Variants in GSDME observed in about 807,000 individuals in gnomAD.
GSDME encodes the protein gasdermin E.
Under a neutral mutation model 47.5 loss-of-function variants are expected in GSDME, and 44 were observed. The observed-to-expected ratio is 0.93, with a 90% CI of 0.73 to 1.19. The LOEUF (loss-of-function observed/expected upper bound fraction) is 1.19. Among genes scored for constraint, GSDME ranks in the 50% most tolerant of loss-of-function variants. GSDME has a pLI of 0.00. For synonymous variants in GSDME, 258 were observed against 252.8 expected (o/e 1.02, Z -0.20); for missense variants, 663 against 604.2 (o/e 1.10, Z -1.02).
At chr7:24,784,707 C>T in the GSDME span, among the ~76,000 whole-genome samples, 31 of 150,458 alleles carry the variant, frequency 2.1e-4, no homozygotes, top group East Asian at 2.3e-3. Flanking sequence ...CTACAGGTGC[C>T]TGCCACCACT....
rs2282904 is a variant in GSDME, at chr7:24,712,339, G to C, written c.698-1951C>G. On this transcript the variant is annotated intron_variant, in intron 5 of 9. Transcript: ENST00000645220. This position sits in a 1 kb window ranked among gnomAD's most constrained non-coding sequence, Gnocchi z 4.4. The stretch of plus-strand genomic sequence containing the variant: ...AGCCTCAAATTCTGCCAGAAGCCCT[G>C]CCAGGTCCCCAAAATAATGTGGAAC... Among the ~76,000 whole-genome samples the C allele has an allele frequency of 0.13, 19,644 of 152,130 alleles. 1,413 individuals are homozygous for C. The highest frequency in any genetic ancestry group is 0.2 in the Admixed American group (3,100 of 15,292).
At chr7:24,730,792 G>A (rs1020368493) in intron 3 of GSDME, among the ~76,000 whole-genome samples, 2 of 152,150 alleles carry the variant, frequency 1.3e-5, no homozygotes, top group African/African-American at 2.4e-5. Flanking sequence ...TCCAGCCTGG[G>A]CAACAGCAGA....
In GSDME at chr7:24,714,789, A is replaced by T. The variant is rs1789484209; in HGVS notation, c.697+2465T>A. 6.6e-6 allele frequency among the ~76,000 whole-genome samples: 1 copy of T among 152,206 alleles called. No individual in the cohort carries two copies. Among genetic ancestry groups the T allele is most frequent in the African/African-American group, 2.4e-5 (1 of 41,446 alleles). On this transcript the variant is annotated intron_variant, in intron 5 of 9. Transcript: ENST00000645220. The surrounding 1 kb of genome is among the most constrained non-coding windows in gnomAD (Gnocchi z 5.0). ...GGTCTGGTCACCTCCTGGGACAAAC[A>T]GGAGGAAGCTCGCATGGGGACCACC... is the stretch of plus-strand genomic sequence containing the variant.
At position 24,714,321 on chromosome 7, in the gene GSDME, G is replaced by A. The variant is rs1314691118; in HGVS notation, c.697+2933C>T. Among the ~76,000 whole-genome samples the A allele has an allele frequency of 6.6e-6, 1 of 152,148 alleles. No individual in the cohort carries two copies. Among genetic ancestry groups the A allele is most frequent in the Non-Finnish European group, 1.5e-5 (1 of 68,038 alleles). On this transcript the variant is annotated intron_variant, in intron 5 of 9. Coordinates refer to ENST00000645220, the MANE Select transcript of GSDME (RefSeq NM_001127453.2). The surrounding 1 kb of genome is among the most constrained non-coding windows in gnomAD (Gnocchi z 5.0). ...AAATGCAATCCCACCAGGAAGGTAG[G>A]GAGAGAGAGCAGGCATGTCTTCTCA... is the stretch of plus-strand genomic sequence containing the variant.
At chr7:24,782,163 C>G in the GSDME span, among the ~76,000 whole-genome samples, 1 of 151,902 alleles carries the variant, frequency 6.6e-6, no homozygotes, top group Non-Finnish European at 1.5e-5. Flanking sequence ...GTGTGCTGCA[C>G]CCATTAACTC....
chr7:24,777,132 G>C, the GSDME span, among the ~76,000 whole-genome samples: 1 of 151,964 alleles, frequency 6.6e-6, no homozygotes, highest in Admixed American at 6.6e-5. Flanking sequence ...ATATGAATTC[G>C]AAAGAAGCTT....
At chr7:24,789,877 G>A in the GSDME span, among the ~76,000 whole-genome samples, 1 of 152,198 alleles carries the variant, frequency 6.6e-6, no homozygotes, top group South Asian at 2.1e-4. Flanking sequence ...GGTGAACTAA[G>A]GTAGCGATGA....
In GSDME at chr7:24,744,523, G is replaced by T; in HGVS notation, c.404+39C>A. On this transcript the variant is annotated intron_variant, in intron 3 of 9. Coordinates refer to ENST00000645220, the MANE Select transcript of GSDME (RefSeq NM_001127453.2). The surrounding 1 kb of genome is among the most constrained non-coding windows in gnomAD (Gnocchi z 4.5). ...CCAACTGAATGACCTTTAAATGTGA[G>T]ATGTGTCAAAATCCAAAATGCCAAA... The T allele has an allele frequency of 6.2e-7, 1 of 1,606,206 alleles. No individual in the cohort carries two copies. Among genetic ancestry groups the T allele is most frequent in the Non-Finnish European group, 8.5e-7 (1 of 1,173,128 alleles).
In GSDME at chr7:24,705,988, G is replaced by C; in HGVS notation, c.1183+196C>G. On this transcript the variant is annotated intron_variant, in intron 8 of 9. Transcript: ENST00000645220. This position sits in a 1 kb window ranked among gnomAD's most constrained non-coding sequence, Gnocchi z 4.1. ...GAGAGTAGGGAGGCTTGTGCTGGAT[G>C]GAAAGGCACAGACTCGAGACCGAAG... 1.4e-6 allele frequency: 1 copy of C among 690,274 alleles called. No homozygotes were observed. Among genetic ancestry groups the C allele is most frequent in the Non-Finnish European group, 2.5e-6 (1 of 397,094 alleles). 42.8% of individuals were successfully genotyped at this position (690,274 alleles called of 1,614,324 possible).
the GSDME span, among the ~76,000 whole-genome samples, chr7:24,765,362 A>T: frequency 1.3e-5 from 2 of 152,226 alleles, no homozygotes; most frequent in African/African-American, 4.8e-5. Context: ...GCTTAGTTAG[A>T]ACAATGGGCA....
In GSDME at chr7:24,724,479, C is replaced by T. The variant is rs192434166; in HGVS notation, c.405-5261G>A. ...AGGGCAGGCTCCTTGTTCTTCCTGGCGGGGGCGGCAACGTGAAAGCAAGAA... is the reference window on the plus strand; with the variant it reads ...AGGGCAGGCTCCTTGTTCTTCCTGGTGGGGGCGGCAACGTGAAAGCAAGAA... On this transcript the variant is annotated intron_variant, in intron 3 of 9. Coordinates refer to ENST00000645220, the MANE Select transcript of GSDME (RefSeq NM_001127453.2). The surrounding 1 kb of genome is among the most constrained non-coding windows in gnomAD (Gnocchi z 4.8). Among the ~76,000 whole-genome samples, 1 of 152,084 alleles carries T rather than the reference C, an allele frequency of 6.6e-6. No homozygotes were observed. The highest frequency in any genetic ancestry group is 2.4e-5 in the African/African-American group (1 of 41,402).
chr7:24,706,057 A>C (rs1789085607), intron 8 of GSDME, 127 bp downstream of exon 8: 1 of 1,194,186 alleles, frequency 8.4e-7, no homozygotes, highest in Non-Finnish European at 1.2e-6. Context: ...TCCCTGTACC[A>C]GAAGGGAAGG....
At chr7:24,766,909 C>G in the GSDME span, among the ~76,000 whole-genome samples, 2 of 152,242 alleles carry the variant, frequency 1.3e-5, no homozygotes, top group Non-Finnish European at 2.9e-5. The surrounding 1 kb of genome is among the most constrained non-coding windows in gnomAD (Gnocchi z 4.2). Context: ...ACCTAATTTA[C>G]ACTCCCACCA....
chr7:24,739,499 A>T lies in GSDME; in HGVS notation c.404+5063T>A, dbSNP rs1355819111. Among the ~76,000 whole-genome samples, 1 of 152,112 alleles carries T rather than the reference A, an allele frequency of 6.6e-6. No homozygotes were observed. The highest frequency in any genetic ancestry group is 1.5e-5 in the Non-Finnish European group (1 of 68,002). ...TAAAAACTGCTGATAAGAATGTGGA[A>T]AAAAAGGGAATGCCTGTACACTGTT... On this transcript the variant is annotated intron_variant, in intron 3 of 9. Coordinates refer to ENST00000645220, the MANE Select transcript of GSDME (RefSeq NM_001127453.2). This position sits in a 1 kb window ranked among gnomAD's most constrained non-coding sequence, Gnocchi z 5.1.
chr7:24,706,865 C>T (rs1337313274), intron 7 of GSDME, among the ~76,000 whole-genome samples: 1 of 151,656 alleles, frequency 6.6e-6, no homozygotes, highest in African/African-American at 2.4e-5. Context: ...TTCTGCACCA[C>T]CCACAGCCTT....
At position 24,749,715 on chromosome 7, in the gene GSDME, A is replaced by C. The variant is rs1790794507; in HGVS notation, c.60T>G (p.Ile20Met). The change falls in exon 2 of 10, where the codon ATT becomes ATG. Residue 20 changes from isoleucine to methionine, a missense_variant. Physicochemically the swap from Ile to Met is conservative, Grantham distance 10. Transcript: ENST00000645220. ...LREVDADGDLIAVSNLNDSDK... is the reference protein window; with the variant it reads ...LREVDADGDLMAVSNLNDSDK... ...CAGAGTCATTCAGATTTGATACTGC[A>C]ATCAGGTCACCATCAGCATCAACTT... is the stretch of plus-strand genomic sequence containing the variant. The C allele has an allele frequency of 1.2e-6, 2 of 1,614,036 alleles. No homozygotes were observed. Among genetic ancestry groups the C allele is most frequent in the African/African-American group, 2.7e-5 (2 of 74,932 alleles).
chr7:24,794,877 G>A, the GSDME span, among the ~76,000 whole-genome samples: 4 of 152,314 alleles, frequency 2.6e-5, no homozygotes, highest in South Asian at 8.3e-4. Context: ...TGGATAAGGA[G>A]TTACTCATTC....
At chr7:24,765,435 C>G in the GSDME span, among the ~76,000 whole-genome samples, 1 of 152,178 alleles carries the variant, frequency 6.6e-6, no homozygotes, top group African/African-American at 2.4e-5. Context: ...AAAGGTTGCT[C>G]CGGGTATAGT....
the GSDME span, among the ~76,000 whole-genome samples, chr7:24,795,157 C>CGCGGGGGCCTACCGT: frequency 6.6e-6 from 1 of 152,176 alleles, no homozygotes; most frequent in Non-Finnish European, 1.5e-5. Context: ...GTTAATCCTC[C>CGCGGGGGCCTACCGT]GCGGGGGCCT....
Sources: gnomAD v4.1 joint callset for allele counts (sites outside exome capture counted in the v4.1 genomes callset) on GRCh38, gnomAD v4.1.1 for gene constraint, Gnocchi (gnomAD v3.1) non-coding constraint, MANE v1.5 for transcripts, NCBI Gene and HGNC (gene_info 2026-07-23, HGNC 2026-07-21) for gene names.